The following NCOA3 variants were observed in gnomAD, a reference collection of about 807,000 sequenced individuals.
NCOA3 encodes nuclear receptor coactivator 3, also known as CBP-interacting protein.
Under a neutral mutation model 158.8 loss-of-function variants are expected in NCOA3, and 51 were observed. The observed-to-expected ratio is 0.32, with a 90% CI of 0.26 to 0.41. The LOEUF (loss-of-function observed/expected upper bound fraction) is 0.41. Among genes scored for constraint, NCOA3 ranks in the 10% least tolerant of loss-of-function variants. NCOA3 has a pLI of 1.00. For missense variants in NCOA3, 1,510 were observed against 1,746.6 expected (o/e 0.86, Z 2.41); for synonymous variants, 537 against 592.4 (o/e 0.91, Z 1.36).
chr20:47,651,125 GCAACAGCAACAGCAA>G lies in NCOA3; in HGVS notation c.3798_3812del (p.Gln1272_Gln1276del), dbSNP rs769975084. 1.9e-5 allele frequency: 31 copies of G among 1,609,624 alleles called. No individual in the cohort carries two copies. The highest frequency in any genetic ancestry group is 2.5e-5 in the Non-Finnish European group (30 of 1,177,074). On this transcript the variant is annotated inframe_deletion, in exon 20 of 23. Transcript: ENST00000371998. ...AGCAGCAGCAGCAGCAGCAGCAACA[GCAACAGCAACAGCAA>G]CAGCAGCAACAGCAGCAAACCCAGG...
intron 1 of NCOA3, among the ~76,000 whole-genome samples, chr20:47,568,001 G>A (rs2085226814): frequency 6.6e-6 from 1 of 152,212 alleles, no homozygotes; most frequent in South Asian, 2.1e-4. Context: ...ACCATACCTG[G>A]TGGCTTTTAA....
chr20:47,646,694 A>G (rs1288888729), intron 17 of NCOA3, among the ~76,000 whole-genome samples: 1 of 152,134 alleles, frequency 6.6e-6, no homozygotes, highest in Non-Finnish European at 1.5e-5. Context: ...GAGATGGGAG[A>G]AAAATGAGAA....
At chr20:47,552,765 A>G (rs761030346) in intron 1 of NCOA3, among the ~76,000 whole-genome samples, 1 of 152,170 alleles carries the variant, frequency 6.6e-6, no homozygotes, top group Non-Finnish European at 1.5e-5. Context: ...TCCCCTTTGC[A>G]TTAGCCTATA....
chr20:47,636,123 A>G lies in NCOA3; in HGVS notation c.1737A>G (p.Pro579=), dbSNP rs781393968. The G allele has an allele frequency of 2.5e-6, 4 of 1,614,116 alleles. No homozygotes were observed. The highest frequency in any genetic ancestry group is 1.7e-5 in the Admixed American group (1 of 60,008). ...SPLGFYCDQN[P]VESSMCQSNS... is the part of the protein sequence containing the mutation. ...TGGGCTTTTATTGCGACCAAAATCCAGTGGAGAGTTCAATGTGTCAGTCAA... is the reference window on the plus strand; with the variant it reads ...TGGGCTTTTATTGCGACCAAAATCCGGTGGAGAGTTCAATGTGTCAGTCAA... The change falls in exon 12 of 23, where the codon CCA becomes CCG. Residue 579 remains proline (P), a synonymous_variant. Transcript: ENST00000371998.
intron 2 of NCOA3, among the ~76,000 whole-genome samples, chr20:47,605,836 AGGT>A (rs2085938434): frequency 6.6e-6 from 1 of 152,222 alleles, no homozygotes; most frequent in Non-Finnish European, 1.5e-5. Flanking sequence ...CAATGGGATA[AGGT>A]GGTGTTGATT....
intron 2 of NCOA3, among the ~76,000 whole-genome samples, chr20:47,594,693 AAAGAG>A (rs2085719114): frequency 7.1e-5 from 10 of 141,428 alleles, no homozygotes; most frequent in Admixed American, 1.4e-4. Context: ...AAAAAAAAAA[AAAGAG>A]AAGATGAAAG....
chr20:47,547,183 T>C (rs141736670), intron 1 of NCOA3, among the ~76,000 whole-genome samples: 1 of 152,230 alleles, frequency 6.6e-6, no homozygotes, highest in Non-Finnish European at 1.5e-5. Flanking sequence ...CTCAAACACT[T>C]AGGTAGGTGT....
intron 2 of NCOA3, among the ~76,000 whole-genome samples, chr20:47,584,709 G>A (rs997775960): frequency 6.7e-6 from 1 of 148,644 alleles, no homozygotes; most frequent in African/African-American, 2.6e-5. Context: ...TTTTCGTGAG[G>A]TTGAGTAGGC....
Position 47,554,699 on chromosome 20 carries a change from A to G in NCOA3, c.-98-28484A>G, listed in dbSNP as rs536600675. ...AGAGCTACAAACCACTGCTCAATGA[A>G]ATAAAAGAGGATACAAACAAATGGA... is the stretch of plus-strand genomic sequence containing the variant. On this transcript the variant is annotated intron_variant, in intron 1 of 22. Coordinates refer to ENST00000371998, the MANE Select transcript of NCOA3 (RefSeq NM_181659.3). 3.9e-5 allele frequency among the ~76,000 whole-genome samples: 6 copies of G among 152,170 alleles called. 1 individual carries two copies. In the South Asian group the frequency reaches 1.2e-3, roughly 32 times the overall value.
chr20:47,648,936 G>A, intron 18 of NCOA3, 69 bp from the exon 19 acceptor site: 1 of 873,340 alleles, frequency 1.1e-6, no homozygotes. Flanking sequence ...CTGGTGCTGA[G>A]GGTCTGGAAA....
intron 1 of NCOA3, among the ~76,000 whole-genome samples, chr20:47,561,537 T>A (rs1440781830): frequency 6.6e-6 from 1 of 151,954 alleles, no homozygotes; most frequent in African/African-American, 2.4e-5. Flanking sequence ...TGGGCTTTTC[T>A]CCAACTCTAA....
rs1278994001 is a variant in NCOA3, at chr20:47,627,619, C to T, written c.591C>T (p.Cys197=). 2 of 1,614,012 alleles carry T rather than the reference C, an allele frequency of 1.2e-6. No individual in the cohort carries two copies. The highest frequency in any genetic ancestry group is 2.2e-5 in the East Asian group (1 of 44,872). The change falls in exon 7 of 23, where the codon TGC becomes TGT. Residue 197 remains cysteine, a synonymous_variant. Transcript: ENST00000371998. The part of the protein sequence containing the change: ...TQRQKSHTFN[C]RMLMKTPHDI... ...GACAAAAAAGCCATACATTTAATTGCCGTATGTTGATGAAAACACCACATG... is the reference window on the plus strand; with the variant it reads ...GACAAAAAAGCCATACATTTAATTGTCGTATGTTGATGAAAACACCACATG...
At position 47,529,999 on chromosome 20, in the gene NCOA3, C is replaced by T. The variant is rs565460942; in HGVS notation, c.-99+27980C>T. On this transcript the variant is annotated intron_variant, in intron 1 of 22. Coordinates refer to ENST00000371998, the MANE Select transcript of NCOA3 (RefSeq NM_181659.3). ...TATTTCCCATAATAACATGCAGGCA[C>T]GCTTATACTGCTGGATTCATTGCAA... Among the ~76,000 whole-genome samples, 60 of 152,288 alleles carry T rather than the reference C, an allele frequency of 3.9e-4. No individual in the cohort carries two copies. In the South Asian group the frequency reaches 9.7e-3, roughly 25 times the overall value.
At chr20:47,534,316 GA>G (rs1327481520) in intron 1 of NCOA3, among the ~76,000 whole-genome samples, 3 of 150,050 alleles carry the variant, frequency 2.0e-5, no homozygotes, top group African/African-American at 4.9e-5. Context: ...ACCAAAGCAT[GA>G]ACTTGTGATT....
intron 1 of NCOA3, among the ~76,000 whole-genome samples, chr20:47,508,551 G>A (rs1055343919): frequency 6.6e-6 from 1 of 152,164 alleles, no homozygotes; most frequent in Non-Finnish European, 1.5e-5. Flanking sequence ...AACAAAAAAG[G>A]GGGCACTTTT....
intron 1 of NCOA3, among the ~76,000 whole-genome samples, chr20:47,551,162 A>G (rs2084921896): frequency 6.6e-6 from 1 of 152,164 alleles, no homozygotes; most frequent in Non-Finnish European, 1.5e-5. Flanking sequence ...TTCAATATGT[A>G]AGAGTGATAT....
chr20:47,605,809 CATT>C (rs1191862762), intron 2 of NCOA3, among the ~76,000 whole-genome samples: 5 of 152,102 alleles, frequency 3.3e-5, no homozygotes, highest in Admixed American at 6.6e-5. Context: ...TTTTATCTGT[CATT>C]ATTATATTTG....
chr20:47,556,062 G>T (rs942944621), intron 1 of NCOA3, among the ~76,000 whole-genome samples: 2 of 151,660 alleles, frequency 1.3e-5, no homozygotes, highest in Non-Finnish European at 2.9e-5. Context: ...AGCCCCCTGG[G>T]TAGCTGGGAC....
chr20:47,551,758 C>A (rs1489210323), intron 1 of NCOA3, among the ~76,000 whole-genome samples: 1 of 151,786 alleles, frequency 6.6e-6, no homozygotes, highest in East Asian at 1.9e-4. Context: ...ATTTTGCCCA[C>A]GTAGGAAACA....
Sources: gnomAD v4.1 joint callset for allele counts (sites outside exome capture counted in the v4.1 genomes callset) on GRCh38, gnomAD v4.1.1 for gene constraint, MANE v1.5 for transcripts, NCBI Gene and HGNC (gene_info 2026-07-23, HGNC 2026-07-21) for gene names.